Variants in ADCK1 observed in about 807,000 individuals in gnomAD.
ADCK1 encodes the protein aarF domain containing kinase 1.
ADCK1 carries 41 observed loss-of-function variants against 52.3 expected under a neutral mutation model. The observed-to-expected ratio is 0.78, with a 90% CI of 0.61 to 1.02. ADCK1 has a LOEUF of 1.02. Ranked by LOEUF, ADCK1 falls within the 50% of genes least tolerant of loss-of-function variation. ADCK1 has a pLI of 0.00. For missense variants in ADCK1, 658 were observed against 679.5 expected, an observed-to-expected ratio of 0.97 and a Z score of 0.35; for synonymous variants, 250 against 274.6, an observed-to-expected ratio of 0.91 and a Z score of 0.89.
intron 5 of ADCK1, among the ~76,000 whole-genome samples, chr14:77,893,739 T>TCCTTCCTTCCTTTC (rs57365647): frequency 2.8e-5 from 3 of 108,130 alleles, no homozygotes; most frequent in African/African-American, 3.8e-5. Flanking sequence ...CTTCCTTCCT[T>TCCTTCCTTCCTTTC]TTTTTTTTTT....
chr14:77,911,435 A>C (rs1360587140), intron 7 of ADCK1, among the ~76,000 whole-genome samples: 1 of 152,190 alleles, frequency 6.6e-6, no homozygotes, highest in African/African-American at 2.4e-5. Context: ...CTTGGTAACT[A>C]ACTACTCAGA....
intron 4 of ADCK1, among the ~76,000 whole-genome samples, chr14:77,861,462 A>C (rs2082546288): frequency 6.6e-6 from 1 of 151,350 alleles, no homozygotes. Flanking sequence ...AGCCTCCTCC[A>C]GCCCCTCCCA....
At chr14:77,810,413 C>T (rs933854137) in intron 1 of ADCK1, among the ~76,000 whole-genome samples, 1 of 152,136 alleles carries the variant, frequency 6.6e-6, no homozygotes, top group Admixed American at 6.6e-5. Context: ...CCACGCCTGG[C>T]CAGTTAATTC....
At chr14:77,833,986 C>A (rs17106436) in intron 3 of ADCK1, among the ~76,000 whole-genome samples, 9,837 of 152,222 alleles carry the variant, frequency 0.065, 762 homozygotes, top group African/African-American at 0.18. Context: ...TCAGTGATCA[C>A]CCTCATGCTT....
At chr14:77,807,374 CAG>C (rs1177085960) in intron 1 of ADCK1, among the ~76,000 whole-genome samples, 1 of 150,586 alleles carries the variant, frequency 6.6e-6, no homozygotes, top group Non-Finnish European at 1.5e-5. Context: ...GGCCTGGAGA[CAG>C]AGTCTTACTC....
chr14:77,878,515 T>G (rs2082948375), intron 4 of ADCK1, among the ~76,000 whole-genome samples: 1 of 152,188 alleles, frequency 6.6e-6, no homozygotes, highest in African/African-American at 2.4e-5. Context: ...CAGTGCTGGG[T>G]GCAGGGCCCG....
At chr14:77,922,465 G>T (rs1189876795) in intron 7 of ADCK1, among the ~76,000 whole-genome samples, 1 of 152,212 alleles carries the variant, frequency 6.6e-6, no homozygotes, top group African/African-American at 2.4e-5. Context: ...CCTTCCAGGG[G>T]TGTTATGAGG....
chr14:77,841,173 A>G (rs1425070538), intron 3 of ADCK1, among the ~76,000 whole-genome samples: 1 of 152,152 alleles, frequency 6.6e-6, no homozygotes, highest in Non-Finnish European at 1.5e-5. Context: ...GGGAAACTGC[A>G]AGCCTAAAAG....
In ADCK1 at chr14:77,931,604, C is replaced by T; in HGVS notation, c.1293C>T (p.Ile431=). Residue 431 remains isoleucine, a synonymous_variant, in exon 10 of 11, where the codon ATC becomes ATT. Transcript: ENST00000238561. Reference sequence around the variant, plus strand: ...ACGTGCCGCGCCAGATGCTGCTCATCTTGAAGACCAACGACCTGCTGCGTG... The same window carrying T: ...ACGTGCCGCGCCAGATGCTGCTCATTTTGAAGACCAACGACCTGCTGCGTG... ...LNHVPRQMLL[I]LKTNDLLRGI... is the part of the protein sequence containing the mutation. 2 of 1,613,796 alleles carry T rather than the reference C, an allele frequency of 1.2e-6. No homozygotes were observed. The highest frequency in any genetic ancestry group is 1.7e-6 in the Non-Finnish European group (2 of 1,180,048).
intron 1 of ADCK1, among the ~76,000 whole-genome samples, chr14:77,808,856 G>A (rs1411818155): frequency 2.0e-5 from 3 of 152,184 alleles, no homozygotes; most frequent in East Asian, 1.9e-4. Flanking sequence ...GATTACAGGC[G>A]TGAGCCACTG....
intron 6 of ADCK1, among the ~76,000 whole-genome samples, chr14:77,903,967 T>C (rs147156725): frequency 1.5e-3 from 225 of 152,282 alleles, no homozygotes; most frequent in African/African-American, 5.0e-3. Context: ...ATATCATCAG[T>C]TGGGAGACTG....
chr14:77,909,938 G>C (rs1417814311), intron 7 of ADCK1, among the ~76,000 whole-genome samples: 1 of 152,164 alleles, frequency 6.6e-6, no homozygotes, highest in East Asian at 1.9e-4. Context: ...CTTAGCAGAG[G>C]TGGGATTGAG....
intron 3 of ADCK1, among the ~76,000 whole-genome samples, chr14:77,840,784 G>A (rs994955794): frequency 2.0e-5 from 3 of 151,798 alleles, no homozygotes; most frequent in Admixed American, 6.6e-5. Flanking sequence ...GGAGGTGGAG[G>A]TGGCAGTGAG....
chr14:77,871,204 G>C (rs1199781913), intron 4 of ADCK1, among the ~76,000 whole-genome samples: 1 of 152,186 alleles, frequency 6.6e-6, no homozygotes, highest in African/African-American at 2.4e-5. Context: ...GAAGGGGGAG[G>C]CAGCTGGTAA....
At chr14:77,856,909 G>A (rs1236571013) in intron 3 of ADCK1, among the ~76,000 whole-genome samples, 1 of 152,108 alleles carries the variant, frequency 6.6e-6, no homozygotes, top group Admixed American at 6.5e-5. Context: ...GGCTGAGGTA[G>A]GAGAATCGCT....
At chr14:77,846,427 C>G (rs3783974) in intron 3 of ADCK1, among the ~76,000 whole-genome samples, 1 of 151,994 alleles carries the variant, frequency 6.6e-6, no homozygotes, top group Admixed American at 6.6e-5. Context: ...GAGAAGCAGT[C>G]GGAGTCCATG....
At chr14:77,849,265 G>A (rs1037383393) in intron 3 of ADCK1, among the ~76,000 whole-genome samples, 4 of 151,994 alleles carry the variant, frequency 2.6e-5, no homozygotes, top group African/African-American at 9.7e-5. Flanking sequence ...GCAGAGACAG[G>A]GTCTCTCTAT....
chr14:77,898,121 A>G (rs532280033), intron 5 of ADCK1, among the ~76,000 whole-genome samples: 2 of 152,338 alleles, frequency 1.3e-5, no homozygotes, highest in South Asian at 2.1e-4. Flanking sequence ...TTAGCTGGGC[A>G]TGGTGATGCA....
intron 6 of ADCK1, among the ~76,000 whole-genome samples, chr14:77,901,952 C>A (rs61990745): frequency 0.089 from 13,610 of 152,168 alleles, 689 homozygotes; most frequent in African/African-American, 0.11. Context: ...CGAGAGGGGT[C>A]ACCAAGCCCT....
Sources: gnomAD v4.1 joint callset for allele counts (sites outside exome capture counted in the v4.1 genomes callset) on GRCh38, gnomAD v4.1.1 for gene constraint, MANE v1.5 for transcripts, NCBI Gene and HGNC (gene_info 2026-07-23, HGNC 2026-07-21) for gene names.